TBCK: variants seen among roughly 807,000 people sequenced by gnomAD.
TBCK encodes TBC1 domain containing kinase, also known as TBC domain-containing protein kinase-like protein.
TBCK carries 99 observed loss-of-function variants against 113.4 expected under a neutral mutation model. The ratio of observed to expected loss-of-function variants is 0.87; its 90% CI spans 0.74 to 1.03. The LOEUF is 1.03. Ranked by LOEUF, TBCK falls within the 50% of genes least tolerant of loss-of-function variation. The probability of loss-of-function intolerance (pLI) is 0.00; values close to 1 mark genes in which losing one functional copy is unlikely to be tolerated. For missense variants in TBCK, 1,045 were observed against 1,061.3 expected, an observed-to-expected ratio of 0.98 and a Z score of 0.21; for synonymous variants, 369 against 370.8, an observed-to-expected ratio of 1.00 and a Z score of 0.05.
intron 23 of TBCK, 40 bp downstream of exon 23, chr4:106,171,055 C>T: frequency 6.7e-7 from 1 of 1,497,746 alleles, no homozygotes; most frequent in South Asian, 1.4e-5. Context: ...TAACATCCAT[C>T]TCCTTTTAGA....
At chr4:106,281,986 C>T (rs1764642716) in intron 3 of TBCK, among the ~76,000 whole-genome samples, 2 of 152,070 alleles carry the variant, frequency 1.3e-5, no homozygotes, top group Admixed American at 6.6e-5. Flanking sequence ...TTGGCACTAA[C>T]TTTTCTGGAA....
chr4:106,151,202 A>G (rs1748444307), intron 23 of TBCK, among the ~76,000 whole-genome samples: 1 of 152,072 alleles, frequency 6.6e-6, no homozygotes, highest in African/African-American at 2.4e-5. Flanking sequence ...GTTACAAAAA[A>G]TCTAATTATA....
intron 20 of TBCK, among the ~76,000 whole-genome samples, chr4:106,197,628 A>G (rs1156790393): frequency 6.6e-6 from 1 of 151,964 alleles, no homozygotes; most frequent in Non-Finnish European, 1.5e-5. Flanking sequence ...TGCTTTAGTA[A>G]TGGAGGAAAA....
chr4:106,056,649 G>T (rs1735444457), intron 25 of TBCK, among the ~76,000 whole-genome samples: 2 of 150,586 alleles, frequency 1.3e-5, no homozygotes, highest in African/African-American at 2.4e-5. Flanking sequence ...AATGCTTCTA[G>T]GTTTTCCTCA....
intron 20 of TBCK, among the ~76,000 whole-genome samples, chr4:106,200,804 T>C (rs1450167987): frequency 6.6e-6 from 1 of 152,124 alleles, no homozygotes; most frequent in Non-Finnish European, 1.5e-5. Flanking sequence ...CAATCAAATA[T>C]TTGTTGAAAG....
At chr4:106,199,282 T>C (rs1441212024) in intron 20 of TBCK, among the ~76,000 whole-genome samples, 1 of 152,076 alleles carries the variant, frequency 6.6e-6, no homozygotes, top group Non-Finnish European at 1.5e-5. Context: ...CTATTCCCAC[T>C]TCTTCAGAAC....
intron 16 of TBCK, 68 bp downstream of exon 16, chr4:106,233,520 T>C (rs1759107664): frequency 3.2e-6 from 4 of 1,268,380 alleles, no homozygotes; most frequent in South Asian, 2.5e-5. Context: ...GCTTTCTTCA[T>C]GCTCCTTCCT....
At chr4:106,078,509 T>C (rs1415929602) in intron 25 of TBCK, among the ~76,000 whole-genome samples, 1 of 152,138 alleles carries the variant, frequency 6.6e-6, no homozygotes, top group Non-Finnish European at 1.5e-5. Context: ...TGAACACCTC[T>C]ATGCACACAA....
At chr4:106,057,763 C>T (rs925517744) in intron 25 of TBCK, among the ~76,000 whole-genome samples, 4 of 151,872 alleles carry the variant, frequency 2.6e-5, no homozygotes, top group South Asian at 2.1e-4. Context: ...GTACTATTTC[C>T]AGAACTTTAA....
intron 3 of TBCK, among the ~76,000 whole-genome samples, chr4:106,277,693 G>T (rs189115595): frequency 6.6e-6 from 1 of 152,244 alleles, no homozygotes; most frequent in Admixed American, 6.5e-5. Flanking sequence ...ACTGCAGGAG[G>T]GGAGGTGCAG....
intron 17 of TBCK, among the ~76,000 whole-genome samples, 193 bp downstream of exon 17, chr4:106,232,745 T>A (rs1935283705): frequency 6.6e-6 from 1 of 152,052 alleles, no homozygotes; most frequent in Admixed American, 6.6e-5. Flanking sequence ...TTATGTTTTT[T>A]AATGATATCT....
At position 106,231,712 on chromosome 4, in the gene TBCK, A is replaced by G; in HGVS notation, c.1690+17T>C. ...AATATTATGCGCAATGATTATTTAA[A>G]TGTTAAAGAGGCTTACCTTCATTAT... On this transcript the variant is annotated intron_variant, in intron 18 of 25. Coordinates refer to ENST00000394708, the MANE Select transcript of TBCK (RefSeq NM_001163435.3). 1.9e-6 allele frequency: 3 copies of G among 1,596,694 alleles called. No individual in the cohort carries two copies. The highest frequency in any genetic ancestry group is 2.6e-6 in the Non-Finnish European group (3 of 1,170,820).
At chr4:106,313,412 T>G (rs1207687772) in intron 1 of TBCK, among the ~76,000 whole-genome samples, 2 of 151,636 alleles carry the variant, frequency 1.3e-5, no homozygotes, top group Admixed American at 1.3e-4. Context: ...CATGGAAGGA[T>G]TGAGAGTTGA....
intron 22 of TBCK, among the ~76,000 whole-genome samples, chr4:106,180,493 G>A (rs752902016): frequency 3.3e-5 from 5 of 151,806 alleles, no homozygotes; most frequent in Non-Finnish European, 7.4e-5. Flanking sequence ...CCATCAACCC[G>A]TCACCTACAT....
rs963293721 is a variant in TBCK, at chr4:106,178,194, C to A, written c.2060-6924G>T. 2.6e-5 allele frequency among the ~76,000 whole-genome samples: 4 copies of A among 151,874 alleles called. No individual in the cohort carries two copies. The East Asian group carries it at 7.7e-4, about 29-fold the overall frequency. On this transcript the variant is annotated intron_variant, in intron 22 of 25. Transcript: ENST00000394708. ...ATTTTGTATCCCAATTTACTGAATT[C>A]GCAAATCTGTTCTAACAGTTTTTTG...
chr4:106,157,408 T>C (rs1051589844), intron 23 of TBCK, among the ~76,000 whole-genome samples: 6 of 152,100 alleles, frequency 3.9e-5, no homozygotes, highest in Non-Finnish European at 7.4e-5. Flanking sequence ...AGTTAAGCAC[T>C]AGGACTCCCC....
chr4:106,251,005 A>G (rs916732607), intron 6 of TBCK: 2 of 165,504 alleles, frequency 1.2e-5, no homozygotes, highest in Admixed American at 6.5e-5. Flanking sequence ...TGCACACATT[A>G]TATTTTAATT....
At chr4:106,271,213 A>C (rs1466792878) in intron 3 of TBCK, among the ~76,000 whole-genome samples, 2 of 152,168 alleles carry the variant, frequency 1.3e-5, no homozygotes, top group Non-Finnish European at 2.9e-5. Flanking sequence ...AGATCATACC[A>C]ATTACAGCAA....
intron 25 of TBCK, among the ~76,000 whole-genome samples, chr4:106,082,820 G>A (rs1560618954): frequency 6.6e-6 from 1 of 152,142 alleles, no homozygotes; most frequent in African/African-American, 2.4e-5. Context: ...CTGAGAGAAG[G>A]AAGAGCAGTG....
Sources: gnomAD v4.1 joint callset for allele counts (sites outside exome capture counted in the v4.1 genomes callset) on GRCh38, gnomAD v4.1.1 for gene constraint, MANE v1.5 for transcripts, NCBI Gene and HGNC (gene_info 2026-07-23, HGNC 2026-07-21) for gene names.